CSMD3: variants seen among roughly 807,000 people sequenced by gnomAD.
CSMD3 encodes the protein CUB and Sushi multiple domains 3.
A neutral mutation model predicts 435.2 loss-of-function variants in CSMD3; 177 were observed. That is an observed-to-expected ratio of 0.41 (90% CI 0.36 to 0.46). The LOEUF is 0.46. CSMD3 is among the 20% of genes least tolerant of loss of function. The pLI, the probability that CSMD3 is intolerant of heterozygous loss-of-function variation, is 0.34. For missense variants in CSMD3, 4,265 were observed against 4,504.6 expected (o/e 0.95, Z 1.52); for synonymous variants, 1,656 against 1,520.5 (o/e 1.09, Z -2.07).
At chr8:112,499,307 T>C (rs1821693173) in intron 30 of CSMD3, among the ~76,000 whole-genome samples, 1 of 152,082 alleles carries the variant, frequency 6.6e-6, no homozygotes, top group Non-Finnish European at 1.5e-5. Context: ...CAGGCTTTCA[T>C]AATATATAAA....
At chr8:112,991,286 A>C (rs2085448536) in intron 6 of CSMD3, among the ~76,000 whole-genome samples, 1 of 151,682 alleles carries the variant, frequency 6.6e-6, no homozygotes, top group Admixed American at 6.6e-5. Flanking sequence ...GTATTTCATA[A>C]GAGGATAAAA....
chr8:112,920,987 ACGCGCGCG>A (rs201111279), intron 10 of CSMD3, among the ~76,000 whole-genome samples: 4,726 of 118,478 alleles, frequency 0.04, 139 homozygotes, highest in Middle Eastern at 0.061. Context: ...GTACACACAT[ACGCGCGCG>A]CGCACACACA....
chr8:112,528,521 G>A lies in CSMD3; in HGVS notation c.4565-11296C>T, dbSNP rs562908500. Among the ~76,000 whole-genome samples the A allele has an allele frequency of 5.3e-5, 8 of 152,092 alleles. No individual in the cohort carries two copies. The South Asian group carries it at 1.5e-3, about 28-fold the overall frequency. ...TGCCAGTGATAAATTGAATACCAAG[G>A]AGCACTTTAATTTAGGAAATAATTC... On this transcript the variant is annotated intron_variant, in intron 27 of 70. Coordinates refer to ENST00000297405, the MANE Select transcript of CSMD3 (RefSeq NM_198123.2).
At chr8:112,227,199 C>T (rs1331067826) in intron 70 of CSMD3, among the ~76,000 whole-genome samples, 1 of 152,124 alleles carries the variant, frequency 6.6e-6, no homozygotes, top group Non-Finnish European at 1.5e-5. Flanking sequence ...TGAATGGACA[C>T]ATTCATCCAT....
chr8:112,968,400 C>G (rs895297356), intron 7 of CSMD3, among the ~76,000 whole-genome samples: 1 of 151,380 alleles, frequency 6.6e-6, no homozygotes, highest in Non-Finnish European at 1.5e-5. Context: ...CCACATTGTC[C>G]ATTACAACCT....
chr8:112,779,594 T>G (rs1042637452), intron 13 of CSMD3, among the ~76,000 whole-genome samples: 5 of 151,996 alleles, frequency 3.3e-5, no homozygotes, highest in Admixed American at 3.3e-4. Context: ...ATAGTTGTGT[T>G]AAGCTATTGA....
intron 9 of CSMD3, among the ~76,000 whole-genome samples, chr8:112,931,076 C>G (rs1250315233): frequency 6.6e-6 from 1 of 152,002 alleles, no homozygotes; most frequent in Non-Finnish European, 1.5e-5. Flanking sequence ...AGATGAGTTA[C>G]AGCTGTCATA....
chr8:113,370,460 C>A, intron 1 of CSMD3, among the ~76,000 whole-genome samples: 1 of 151,012 alleles, frequency 6.6e-6, no homozygotes, highest in East Asian at 1.9e-4. Flanking sequence ...CGAATTGTTA[C>A]TGAAGCTTAA....
intron 38 of CSMD3, among the ~76,000 whole-genome samples, chr8:112,372,798 G>C (rs952372046): frequency 2.0e-5 from 3 of 151,444 alleles, no homozygotes; most frequent in African/African-American, 7.3e-5. Context: ...GCAGTGAGCC[G>C]AGATAGTGCC....
At chr8:113,226,544 T>C (rs930142707) in intron 3 of CSMD3, among the ~76,000 whole-genome samples, 1 of 151,616 alleles carries the variant, frequency 6.6e-6, no homozygotes, top group Non-Finnish European at 1.5e-5. Context: ...TTCGTTTTTC[T>C]GGCCATTGTT....
chr8:113,103,310 C>G (rs939200837), intron 4 of CSMD3, among the ~76,000 whole-genome samples: 1 of 152,104 alleles, frequency 6.6e-6, no homozygotes, highest in African/African-American at 2.4e-5. Flanking sequence ...ATGGTGGATT[C>G]TCTACTCTTG....
chr8:113,173,046 T>C (rs750660104), intron 4 of CSMD3, among the ~76,000 whole-genome samples: 10 of 152,188 alleles, frequency 6.6e-5, no homozygotes, highest in Non-Finnish European at 1.5e-4. Flanking sequence ...AAAATTTCCA[T>C]GCTGTCGTCT....
intron 3 of CSMD3, among the ~76,000 whole-genome samples, chr8:113,206,765 C>T (rs930798071): frequency 4.6e-5 from 7 of 152,062 alleles, no homozygotes; most frequent in African/African-American, 1.7e-4. Flanking sequence ...GCCTTATATA[C>T]ATGAATGGAA....
At chr8:112,821,660 C>T (rs1050515289) in intron 12 of CSMD3, among the ~76,000 whole-genome samples, 2 of 152,114 alleles carry the variant, frequency 1.3e-5, no homozygotes. Flanking sequence ...TAATTTAGAT[C>T]CCATTTGTCA....
chr8:112,510,575 C>A (rs752126771), intron 28 of CSMD3, among the ~76,000 whole-genome samples: 9 of 152,168 alleles, frequency 5.9e-5, no homozygotes, highest in Admixed American at 1.3e-4. Context: ...CTCTCTAAAC[C>A]ATTATGGTAT....
chr8:112,416,254 G>A (rs759981005), intron 32 of CSMD3, among the ~76,000 whole-genome samples: 2 of 152,154 alleles, frequency 1.3e-5, no homozygotes, highest in Admixed American at 6.5e-5. Context: ...TATGAGATAT[G>A]ATGGTTTTAT....
intron 5 of CSMD3, among the ~76,000 whole-genome samples, chr8:113,080,050 C>T (rs2089494146): frequency 6.6e-6 from 1 of 152,078 alleles, no homozygotes; most frequent in African/African-American, 2.4e-5. Flanking sequence ...TCACTCATCT[C>T]TCTCTTAGGG....
intron 5 of CSMD3, among the ~76,000 whole-genome samples, chr8:113,026,144 G>A (rs1169985226): frequency 6.6e-6 from 1 of 152,150 alleles, no homozygotes; most frequent in Non-Finnish European, 1.5e-5. Context: ...TGAGGACTGT[G>A]GGCCTTTCTT....
At chr8:112,347,989 T>G (rs1183029175) in intron 40 of CSMD3, among the ~76,000 whole-genome samples, 4 of 152,214 alleles carry the variant, frequency 2.6e-5, no homozygotes, top group African/African-American at 9.6e-5. Context: ...CTGGAATTCC[T>G]GTCCTCTGCA....
Sources: allele counts gnomAD v4.1 joint callset (sites outside exome capture counted in the v4.1 genomes callset), GRCh38; gene constraint gnomAD v4.1.1; transcripts MANE v1.5; gene names NCBI Gene and HGNC (gene_info 2026-07-23, HGNC 2026-07-21).